Variants in APC2 observed in about 807,000 individuals in gnomAD.
APC2 encodes the protein adenomatous polyposis coli protein 2.
APC2 carries 41 observed loss-of-function variants against 72.5 expected under a neutral mutation model. The observed-to-expected ratio is 0.57, with a 90% CI of 0.44 to 0.73. APC2 has a LOEUF of 0.73. Among genes scored for constraint, APC2 ranks in the 30% least tolerant of loss-of-function variants. The pLI is 0.00. For synonymous variants in APC2, 1,898 were observed against 1,612.0 expected (o/e 1.18, Z -4.25); for missense variants, 3,729 against 3,403.4 (o/e 1.10, Z -2.38).
At chr19:1,456,551 T>A in intron 8 of APC2, 147 bp downstream of exon 8, 1 of 925,706 alleles carries the variant, frequency 1.1e-6, no homozygotes, top group Non-Finnish European at 1.6e-6. Flanking sequence ...GTGCAGCTCA[T>A]GCAGAAGCTG....
At position 1,468,164 on chromosome 19, in the gene APC2, CCCGCGGG is replaced by C; in HGVS notation, c.4870_4876del (p.Ala1624ArgfsTer168). On this transcript the variant is annotated frameshift_variant, in exon 15 of 15. Coordinates refer to ENST00000590469, the MANE Select transcript of APC2 (RefSeq NM_005883.3). LOFTEE classifies it low-confidence loss of function (END_TRUNC). The stretch of plus-strand genomic sequence containing the variant: ...GAGGCGGACGCGACAGCTCGCCCAG[CCCGCGGG>C]CCGCGGAGGAGCTTCTGCAGCGGTG... The C allele has an allele frequency of 6.9e-7, 1 of 1,457,340 alleles. No individual in the cohort carries two copies. Among genetic ancestry groups the C allele is most frequent in the Non-Finnish European group, 9.0e-7 (1 of 1,113,846 alleles). 90.3% of individuals were successfully genotyped at this position (1,457,340 alleles called of 1,614,324 possible).
At chr19:1,463,354 G>A (rs1220567918) in intron 14 of APC2, among the ~76,000 whole-genome samples, 2 of 151,154 alleles carry the variant, frequency 1.3e-5, no homozygotes, top group African/African-American at 4.9e-5. Flanking sequence ...GGAGGCGGAG[G>A]CTGCAGTGAG....
rs369707805 is a variant in APC2, at chr19:1,461,412, T to TA, written c.1638+267dup. ...CAACATGGTCAGACCCCATCTCTAC[T>TA]AAAAAAAACAGCCAGGCGTGGCAGC... is the stretch of plus-strand genomic sequence containing the variant. On this transcript the variant is annotated intron_variant, in intron 13 of 14. Transcript: ENST00000590469. The TA allele has an allele frequency of 7.9e-3, 4,149 of 525,964 alleles. 134 individuals carry two copies. Among genetic ancestry groups the TA allele is most frequent in the African/African-American group, 0.069 (3,588 of 51,642 alleles). The allele number at this position is 525,964 out of a possible 1,614,324, so 32.6% of individuals were successfully genotyped here.
At position 1,460,799 on chromosome 19, in the gene APC2, G is replaced by A. The variant is rs144538191; in HGVS notation, c.1463G>A (p.Arg488His). 176 of 1,612,984 alleles carry A rather than the reference G, an allele frequency of 1.1e-4. No individual in the cohort carries two copies. Among genetic ancestry groups the A allele is most frequent in the Middle Eastern group, 6.6e-4 (4 of 6,082 alleles). ...VANKATLCAR[R>H]GCMEAIVAQL... is the part of the protein sequence containing the mutation. ...CAACAGGCCACCCTGTGTGCGCGCC[G>A]CGGCTGCATGGAGGCCATCGTGGCC... is the stretch of plus-strand genomic sequence containing the variant. The change falls in exon 12 of 15, where the codon CGC becomes CAC. Residue 488 changes from arginine to histidine, a missense_variant. Arg to His is a conservative substitution (Grantham distance 29). Transcript: ENST00000590469.
In APC2 at chr19:1,466,617, A is replaced by T; in HGVS notation, c.3316A>T (p.Ser1106Cys). Residue 1106 changes from serine (S) to cysteine (C), a missense_variant, in exon 15 of 15, where the codon AGC (serine) becomes TGC (cysteine). Transcript: ENST00000590469. ...SLEGLEEAGP[S>C]EAELDSTWRA... ...GGAGGGGCTGGAGGAGGCCGGCCCCAGCGAGGCTGAGCTGGACAGCACGTG... is the reference window on the plus strand; with the variant it reads ...GGAGGGGCTGGAGGAGGCCGGCCCCTGCGAGGCTGAGCTGGACAGCACGTG... 6.6e-7 allele frequency: 1 copy of T among 1,523,416 alleles called. No homozygotes were observed. Among genetic ancestry groups the T allele is most frequent in the South Asian group, 1.2e-5 (1 of 80,806 alleles). The allele number at this position is 1,523,416 out of a possible 1,614,324, so 94.4% of individuals were successfully genotyped here. A position where few individuals can be genotyped will look rare whatever the true frequency, so the allele number is the denominator to read the frequency against.
chr19:1,467,906 C>A lies in APC2; in HGVS notation c.4605C>A (p.Arg1535=), dbSNP rs753711439. Residue 1535 remains arginine, a synonymous_variant, in exon 15 of 15, where the codon CGC becomes CGA. Transcript: ENST00000590469. The part of the protein sequence containing the change: ...PTHRRTSAIP[R]AFTRERPQGR... ...ACCGGCGCACATCGGCCATCCCTCGCGCTTTTACGCGGGAGCGTCCGCAGG... is the reference window on the plus strand; with the variant it reads ...ACCGGCGCACATCGGCCATCCCTCGAGCTTTTACGCGGGAGCGTCCGCAGG... 6 of 1,583,492 alleles carry A rather than the reference C, an allele frequency of 3.8e-6. No individual in the cohort carries two copies. Among genetic ancestry groups the A allele is most frequent in the Non-Finnish European group, 5.1e-6 (6 of 1,173,364 alleles).
At chr19:1,451,255 C>T (rs8100004) in intron 1 of APC2, 58,155 of 152,188 alleles carry the variant, frequency 0.38, 11,823 homozygotes, top group African/African-American at 0.54. Context: ...GGCTTGGCTT[C>T]GGTCAGCTGA....
In APC2 at chr19:1,468,944, C is replaced by G; in HGVS notation, c.5643C>G (p.Pro1881=). Residue 1881 remains proline (P), a synonymous_variant, in exon 15 of 15, where the codon CCC becomes CCG. Transcript: ENST00000590469. ...TPSSSSSQTS[P]ASQPLPRKRP... Reference sequence around the variant, plus strand: ...CCTCCAGCTCCTCCCAGACCTCGCCCGCCTCCCAGCCCCTGCCCAGAAAGC... The same window carrying G: ...CCTCCAGCTCCTCCCAGACCTCGCCGGCCTCCCAGCCCCTGCCCAGAAAGC... The G allele has an allele frequency of 6.5e-7, 1 of 1,544,128 alleles. No homozygotes were observed. Among genetic ancestry groups the G allele is most frequent in the African/African-American group, 1.4e-5 (1 of 71,186 alleles).
chr19:1,447,793 T>C (rs117525363), upstream of APC2, among the ~76,000 whole-genome samples: 796 of 151,422 alleles, frequency 5.3e-3, 14 homozygotes, highest in East Asian at 0.031. Flanking sequence ...AGAAGGGAGG[T>C]TCAGTGTCAC....
Position 1,450,123 on chromosome 19 carries a change from G to C in APC2, c.-234G>C. 1 of 984,808 alleles carries C rather than the reference G, an allele frequency of 1.0e-6. No individual in the cohort carries two copies. Among genetic ancestry groups the C allele is most frequent in the Non-Finnish European group, 1.2e-6 (1 of 829,436 alleles). The allele number at this position is 984,808 out of a possible 1,614,324, so 61.0% of individuals were successfully genotyped here. A position where few individuals can be genotyped will look rare whatever the true frequency, so the allele number is the denominator to read the frequency against. Reference sequence around the variant, plus strand: ...TCATCCCGCATCCTCCCCCGCTCGCGGTGGTCTCGCCCAGCGCTAGGAGCG... The same window carrying C: ...TCATCCCGCATCCTCCCCCGCTCGCCGTGGTCTCGCCCAGCGCTAGGAGCG... On this transcript the variant is annotated 5_prime_UTR_variant, in exon 1 of 15. Transcript: ENST00000590469.
At position 1,455,254 on chromosome 19, in the gene APC2, G is replaced by A. The variant is rs1396080444; in HGVS notation, c.519G>A (p.Glu173=). 6.4e-7 allele frequency: 1 copy of A among 1,574,028 alleles called. No individual in the cohort carries two copies. Among genetic ancestry groups the A allele is most frequent in the East Asian group, 2.3e-5 (1 of 42,772 alleles). The change falls in exon 5 of 15, where the codon GAG becomes GAA. Residue 173 remains glutamate, a synonymous_variant. Coordinates refer to ENST00000590469, the MANE Select transcript of APC2 (RefSeq NM_005883.3). The part of the protein sequence containing the change: ...SKRLDELPHV[E]TQFSMQMDLI... ...GCCTGGACGAGCTGCCGCACGTGGAGACGGTGAGCCGGCCGGGGAGCCAGG... is the reference window on the plus strand; with the variant it reads ...GCCTGGACGAGCTGCCGCACGTGGAAACGGTGAGCCGGCCGGGGAGCCAGG...
upstream of APC2, among the ~76,000 whole-genome samples, chr19:1,447,859 C>T (rs1476485559): frequency 1.3e-5 from 2 of 152,146 alleles, no homozygotes; most frequent in East Asian, 1.9e-4. Context: ...TGGCCCAGGC[C>T]TCAGTTTCCC....
In APC2 at chr19:1,456,939, G is replaced by C; in HGVS notation, c.903G>C (p.Ser301=). 1 of 1,556,744 alleles carries C rather than the reference G, an allele frequency of 6.4e-7. No homozygotes were observed. The highest frequency in any genetic ancestry group is 8.6e-7 in the Non-Finnish European group (1 of 1,159,130). The part of the protein sequence containing the change: ...TARTLLAMSS[S]PESCVAMRRS... ...GCACGCTGCTGGCCATGTCCAGCTC[G>C]CCCGAGAGCTGCGTGGCCATGCGCC... is the stretch of plus-strand genomic sequence containing the variant. The change falls in exon 9 of 15, where the codon TCG becomes TCC. Residue 301 remains serine, a synonymous_variant. Transcript: ENST00000590469.
chr19:1,455,323 G>A, intron 5 of APC2, 61 bp from the exon 6 acceptor site: 1 of 1,587,808 alleles, frequency 6.3e-7, no homozygotes, highest in South Asian at 1.1e-5. Context: ...AGCGGCGTGG[G>A]GGAGGAACGG....
chr19:1,462,189 C>T lies in APC2; in HGVS notation c.1853+12C>T, dbSNP rs201038034. ...CGTGAGGACTACAGGTCGGCCCCCA[C>T]CCCCCCACCCGCACACAGGCAGCTG... On this transcript the variant is annotated intron_variant, in intron 14 of 14. Transcript: ENST00000590469. 5.7e-4 allele frequency: 862 copies of T among 1,522,394 alleles called. 2 individuals are homozygous for T. The highest frequency in any genetic ancestry group is 7.3e-4 in the Non-Finnish European group (822 of 1,132,754). The allele number at this position is 1,522,394 out of a possible 1,614,324, so 94.3% of individuals were successfully genotyped here.
rs756133240 is a variant in APC2 at position 1,466,138 on chromosome 19, C to A, written c.2837C>A (p.Pro946Gln). Residue 946 changes from proline to glutamine, a missense_variant, in exon 15 of 15, where the codon CCG (proline) becomes CAG (glutamine). Coordinates refer to ENST00000590469, the MANE Select transcript of APC2 (RefSeq NM_005883.3). ...YCPREHMLPC[P>Q]LAALASRRED... The stretch of plus-strand genomic sequence containing the variant: ...CCACGCGAACATATGCTGCCCTGCC[C>A]GCTGGCCGCACTGGCTTCGCGCCGC... 2.7e-5 allele frequency: 42 copies of A among 1,565,498 alleles called. No homozygotes were observed. The highest frequency in any genetic ancestry group is 3.4e-5 in the Non-Finnish European group (40 of 1,166,158).
In APC2 at chr19:1,468,496, C is replaced by A. The variant is rs773505454; in HGVS notation, c.5195C>A (p.Pro1732His). 1 of 1,604,294 alleles carries A rather than the reference C, an allele frequency of 6.2e-7. No homozygotes were observed. The highest frequency in any genetic ancestry group is 1.1e-5 in the South Asian group (1 of 90,394). The change falls in exon 15 of 15, where the codon CCC (proline) becomes CAC (histidine). Residue 1732 changes from proline to histidine, a missense_variant. Coordinates refer to ENST00000590469, the MANE Select transcript of APC2 (RefSeq NM_005883.3). ...CTGTCAGTGGGATCCACCCTACAGC[C>A]CCCCAAGCACAGGAAGGGACGACAG... ...SGLSVGSTLQ[P>H]PKHRKGRQAE...
At chr19:1,460,123 C>T (rs577095536) in intron 10 of APC2, 58 bp from the exon 11 acceptor site, 256 of 1,606,012 alleles carry the variant, frequency 1.6e-4, no homozygotes, top group African/African-American at 1.4e-3. Flanking sequence ...TGAGGTGGGG[C>T]GCTGGGCAGC....
At chr19:1,464,285 G>C (rs2083970755) in intron 14 of APC2, among the ~76,000 whole-genome samples, 2 of 150,900 alleles carry the variant, frequency 1.3e-5, no homozygotes, top group Admixed American at 1.3e-4. Flanking sequence ...CTCCAGCCTG[G>C]GTAACAAGAG....
Sources: allele counts gnomAD v4.1 joint callset (sites outside exome capture counted in the v4.1 genomes callset), GRCh38; gene constraint gnomAD v4.1.1; transcripts MANE v1.5; gene names NCBI Gene and HGNC (gene_info 2026-07-23, HGNC 2026-07-21).